CFAP61: variants seen among roughly 807,000 people sequenced by gnomAD.
CFAP61 encodes the protein cilia- and flagella-associated protein 61.
Under a neutral mutation model 135.6 loss-of-function variants are expected in CFAP61, and 107 were observed. The ratio of observed to expected loss-of-function variants is 0.79; its 90% CI spans 0.67 to 0.93. The LOEUF is 0.93. Ranked by LOEUF, CFAP61 falls within the 40% of genes least tolerant of loss-of-function variation. CFAP61 has a pLI of 0.00. For missense variants in CFAP61, 1,507 were observed against 1,556.2 expected, an observed-to-expected ratio of 0.97 and a Z score of 0.53; for synonymous variants, 575 against 578.5, an observed-to-expected ratio of 0.99 and a Z score of 0.09.
chr20:20,194,166 C>G (rs1163824223), intron 15 of CFAP61, among the ~76,000 whole-genome samples: 2 of 152,116 alleles, frequency 1.3e-5, no homozygotes, highest in African/African-American at 4.8e-5. Context: ...CTCCATTCTT[C>G]TTTTCTTAAA....
chr20:20,354,952 G>GTGAGAGGGGAGAAGGTCACACTA (rs1569329498), intron 26 of CFAP61, among the ~76,000 whole-genome samples: 1 of 16,368 alleles, frequency 6.1e-5, no homozygotes, highest in Non-Finnish European at 1.5e-4. Context: ...TGGTCACACT[G>GTGAGAGGGGAGAAGGTCACACTA]AGGGGAAGTG....
chr20:20,093,560 A>G (rs1600594404), intron 7 of CFAP61, among the ~76,000 whole-genome samples: 1 of 150,684 alleles, frequency 6.6e-6, no homozygotes, highest in South Asian at 2.1e-4. Context: ...TCAGCCTCCC[A>G]AGTAGCTGGG....
chr20:20,098,865 A>T (rs2047792960), intron 8 of CFAP61, 51 bp downstream of exon 8: 1 of 1,518,426 alleles, frequency 6.6e-7, no homozygotes, highest in Non-Finnish European at 9.0e-7. Context: ...TATGCTTTAT[A>T]CACATTGCGC....
intron 13 of CFAP61, among the ~76,000 whole-genome samples, chr20:20,175,631 A>G (rs2054571129): frequency 1.3e-5 from 2 of 152,004 alleles, no homozygotes; most frequent in Non-Finnish European, 2.9e-5. Context: ...GTTTCACGCC[A>G]TTCTCCTGCC....
intron 24 of CFAP61, among the ~76,000 whole-genome samples, chr20:20,293,044 A>C (rs2055115633): frequency 6.6e-6 from 1 of 152,214 alleles, no homozygotes; most frequent in African/African-American, 2.4e-5. Flanking sequence ...GTGGGGCATG[A>C]GGTAAATAGG....
intron 25 of CFAP61, among the ~76,000 whole-genome samples, chr20:20,325,544 G>C (rs994648413): frequency 1.3e-5 from 2 of 152,126 alleles, no homozygotes; most frequent in African/African-American, 4.8e-5. Flanking sequence ...TGCTTTTAAG[G>C]TTCCTCCATG....
Position 20,197,542 on chromosome 20 carries a change from C to G in CFAP61, c.1797+766C>G, listed in dbSNP as rs534644644. On this transcript the variant is annotated intron_variant, in intron 16 of 26. Coordinates refer to ENST00000245957, the MANE Select transcript of CFAP61 (RefSeq NM_015585.4). Reference sequence around the variant, plus strand: ...GAAGAGTCACAAACACACACACACACAGAGACACCCCACACACTCTCATGC... The same window carrying G: ...GAAGAGTCACAAACACACACACACAGAGAGACACCCCACACACTCTCATGC... Among the ~76,000 whole-genome samples the G allele has an allele frequency of 1.8e-4, 28 of 152,212 alleles. No individual in the cohort carries two copies. In the South Asian group the frequency reaches 4.6e-3, roughly 25 times the overall value.
chr20:20,192,725 A>T (rs1294196191), intron 15 of CFAP61, among the ~76,000 whole-genome samples: 2 of 152,060 alleles, frequency 1.3e-5, no homozygotes, highest in Non-Finnish European at 2.9e-5. Context: ...GACCTGACAC[A>T]GTTCTAGACG....
At chr20:20,159,961 C>T (rs6515086) in intron 10 of CFAP61, among the ~76,000 whole-genome samples, 137,259 of 152,202 alleles carry the variant, frequency 0.9, 62,708 homozygotes, top group Middle Eastern at 0.99. Flanking sequence ...CTTCACCATC[C>T]TTTGTTGGTT....
chr20:20,152,879 T>G (rs2052573064), intron 9 of CFAP61, among the ~76,000 whole-genome samples: 1 of 152,254 alleles, frequency 6.6e-6, no homozygotes. Context: ...ACTTAACAGA[T>G]ATTTATAGAA....
intron 18 of CFAP61, among the ~76,000 whole-genome samples, chr20:20,239,155 C>G (rs1256955659): frequency 6.6e-6 from 1 of 152,104 alleles, no homozygotes; most frequent in Non-Finnish European, 1.5e-5. Context: ...TTTGAAGGAA[C>G]TTTTTGAATA....
chr20:20,238,425 GTAAAT>G (rs1041072772), intron 18 of CFAP61, among the ~76,000 whole-genome samples: 2 of 152,190 alleles, frequency 1.3e-5, no homozygotes, highest in African/African-American at 2.4e-5. Flanking sequence ...AGAGGTTTTA[GTAAAT>G]TAAATTGAAA....
chr20:20,308,820 C>A (rs1272257802), intron 25 of CFAP61, among the ~76,000 whole-genome samples: 1 of 152,138 alleles, frequency 6.6e-6, no homozygotes, highest in East Asian at 1.9e-4. Flanking sequence ...TATAGATTTT[C>A]TTCCTCCATT....
chr20:20,073,611 G>A (rs2045870937), intron 3 of CFAP61, among the ~76,000 whole-genome samples: 1 of 152,180 alleles, frequency 6.6e-6, no homozygotes. Flanking sequence ...GAGTTGAGTG[G>A]ACCAATGTGT....
intron 26 of CFAP61, among the ~76,000 whole-genome samples, chr20:20,353,693 A>G (rs971636207): frequency 1.3e-5 from 2 of 152,216 alleles, no homozygotes; most frequent in African/African-American, 2.4e-5. Context: ...AGTTTCCAGG[A>G]AGCTACGAGG....
intron 8 of CFAP61, among the ~76,000 whole-genome samples, chr20:20,128,193 G>A (rs971067873): frequency 1.3e-5 from 2 of 151,614 alleles, no homozygotes; most frequent in Non-Finnish European, 2.9e-5. Context: ...CCCGAGTTCT[G>A]GCCAGGAGGC....
At position 20,283,973 on chromosome 20, in the gene CFAP61, A is replaced by C. The variant is rs58384265; in HGVS notation, c.2797-4636A>C. On this transcript the variant is annotated intron_variant, in intron 22 of 26. Coordinates refer to ENST00000245957, the MANE Select transcript of CFAP61 (RefSeq NM_015585.4). ...CATGTGCCATATAACATCACCTTAC[A>C]CATTCACAGTTCATGCTTGTACTTA... 1.5e-3 allele frequency among the ~76,000 whole-genome samples: 234 copies of C among 152,312 alleles called. 1 individual carries two copies. Among genetic ancestry groups the C allele is most frequent in the African/African-American group, 5.2e-3 (215 of 41,576 alleles).
chr20:20,311,505 A>T (rs552988966), intron 25 of CFAP61, among the ~76,000 whole-genome samples: 2 of 152,306 alleles, frequency 1.3e-5, no homozygotes, highest in South Asian at 4.1e-4. Context: ...CGGCCTTGAG[A>T]GAGTTCCCAG....
At chr20:20,325,250 A>G (rs183176177) in intron 25 of CFAP61, among the ~76,000 whole-genome samples, 18 of 152,366 alleles carry the variant, frequency 1.2e-4, no homozygotes, top group Non-Finnish European at 2.9e-5. Flanking sequence ...ACTAAAGTTC[A>G]TAGTTTACAT....
Sources: allele counts gnomAD v4.1 joint callset (sites outside exome capture counted in the v4.1 genomes callset), GRCh38; gene constraint gnomAD v4.1.1; transcripts MANE v1.5; gene names NCBI Gene and HGNC (gene_info 2026-07-23, HGNC 2026-07-21).